Variants in SYNE3 observed in about 807,000 individuals in gnomAD.
SYNE3 encodes the protein spectrin repeat containing nuclear envelope family member 3.
In SYNE3, 100 loss-of-function variants were observed where a neutral mutation model predicts 111.2. The ratio of observed to expected loss-of-function variants is 0.90; its 90% CI spans 0.77 to 1.06. The LOEUF is 1.06. Ranked by LOEUF, SYNE3 falls within the 50% of genes least tolerant of loss-of-function variation. SYNE3 has a pLI of 0.00. For missense variants in SYNE3, 1,160 were observed against 1,240.3 expected (o/e 0.94, Z 0.97); for synonymous variants, 547 against 533.9 (o/e 1.02, Z -0.34).
At chr14:95,475,984 T>A in intron 1 of SYNE3, 149 bp from the exon 2 acceptor site, 3 of 729,432 alleles carry the variant, frequency 4.1e-6, no homozygotes, top group Non-Finnish European at 5.8e-6. Flanking sequence ...GGTGAGCACG[T>A]TTGTCAGGAA....
rs1469422107 is a variant in SYNE3, at chr14:95,409,898, G to A, written c.*7928C>T. On this transcript the variant is annotated 3_prime_UTR_variant, in exon 18 of 18. Coordinates refer to ENST00000682763, the MANE Select transcript of SYNE3 (RefSeq NM_152592.6). ...CCTCAATTGTCTGCTACAAAACAAA[G>A]AGCTGGCCTGGAAAGGCTCAGAGAT... The A allele has an allele frequency of 6.1e-6, 1 of 163,046 alleles. No individual in the cohort carries two copies. Among genetic ancestry groups the A allele is most frequent in the East Asian group, 1.8e-4 (1 of 5,684 alleles). 10.1% of individuals were successfully genotyped at this position (163,046 alleles called of 1,614,324 possible).
chr14:95,422,942 G>A (rs1885214088), intron 17 of SYNE3, among the ~76,000 whole-genome samples: 1 of 152,184 alleles, frequency 6.6e-6, no homozygotes, highest in South Asian at 2.1e-4. Context: ...TTCCCGGACT[G>A]GGCCCTGCCA....
intron 1 of SYNE3, among the ~76,000 whole-genome samples, chr14:95,489,220 C>A (rs372993375): frequency 1.2e-4 from 18 of 152,348 alleles, no homozygotes; most frequent in South Asian, 8.3e-4. Flanking sequence ...TGGAGTCACC[C>A]ACAGGTGCAT....
At chr14:95,444,991 T>C (rs1424826882) in intron 9 of SYNE3, among the ~76,000 whole-genome samples, 1 of 152,262 alleles carries the variant, frequency 6.6e-6, no homozygotes, top group Non-Finnish European at 1.5e-5. Context: ...CGACAGCGAC[T>C]GCCTGCCCTG....
chr14:95,434,120 A>G (rs1885952389), intron 15 of SYNE3, among the ~76,000 whole-genome samples: 1 of 152,052 alleles, frequency 6.6e-6, no homozygotes, highest in Non-Finnish European at 1.5e-5. Context: ...ATGAGACAGG[A>G]GAGGCAGGCA....
intron 1 of SYNE3, among the ~76,000 whole-genome samples, chr14:95,476,037 A>C (rs1230397722): frequency 6.6e-6 from 1 of 152,206 alleles, no homozygotes; most frequent in Non-Finnish European, 1.5e-5. Flanking sequence ...CCTCTGGGAA[A>C]ACTGGCCTAG....
At chr14:95,468,979 T>C (rs1166303662) in intron 2 of SYNE3, among the ~76,000 whole-genome samples, 3 of 152,184 alleles carry the variant, frequency 2.0e-5, no homozygotes, top group Admixed American at 6.5e-5. Flanking sequence ...AGGAGTTACA[T>C]TCTCTAGGCC....
chr14:95,461,276 C>T (rs1379565239), intron 4 of SYNE3, among the ~76,000 whole-genome samples: 3 of 152,180 alleles, frequency 2.0e-5, no homozygotes, highest in African/African-American at 4.8e-5. Context: ...CAGACAGACG[C>T]GCCTTCTGTG....
chr14:95,511,790 G>A (rs568992644), intron 1 of SYNE3, among the ~76,000 whole-genome samples: 22 of 152,070 alleles, frequency 1.4e-4, no homozygotes, highest in Admixed American at 3.3e-4. Context: ...TATACTTCCC[G>A]TCTCTCTCCC....
At chr14:95,422,476 G>A (rs556701651) in intron 17 of SYNE3, among the ~76,000 whole-genome samples, 4 of 152,254 alleles carry the variant, frequency 2.6e-5, no homozygotes, top group South Asian at 2.1e-4. Context: ...ACTATCCCAC[G>A]TGGCATTTCT....
intron 4 of SYNE3, among the ~76,000 whole-genome samples, chr14:95,462,416 C>T (rs560000902): frequency 6.6e-6 from 1 of 152,340 alleles, no homozygotes; most frequent in South Asian, 2.1e-4. Context: ...ATTCACTTCT[C>T]CATGCAGGGT....
rs557436953 is a variant in SYNE3, at chr14:95,424,872, G to C, written c.2728-6846C>G. ...GTGATCTTGGATTGGATCCTGGACT[G>C]AGAAAAAAAATCTACCAGTAAGACT... On this transcript the variant is annotated intron_variant, in intron 17 of 17. Coordinates refer to ENST00000682763, the MANE Select transcript of SYNE3 (RefSeq NM_152592.6). Among the ~76,000 whole-genome samples the C allele has an allele frequency of 2.6e-5, 4 of 152,248 alleles. No homozygotes were observed. In the South Asian group the frequency reaches 8.3e-4, roughly 32 times the overall value.
intron 1 of SYNE3, among the ~76,000 whole-genome samples, chr14:95,480,006 C>T (rs1889130288): frequency 6.6e-6 from 1 of 151,958 alleles, no homozygotes; most frequent in Non-Finnish European, 1.5e-5. Context: ...GCCTCTCTGG[C>T]ACGGGAGAAG....
chr14:95,442,120 G>A (rs961256147), intron 11 of SYNE3, among the ~76,000 whole-genome samples: 9 of 152,236 alleles, frequency 5.9e-5, no homozygotes, highest in African/African-American at 2.2e-4. Flanking sequence ...CTTTGTGTAA[G>A]TGGATGGAAG....
At chr14:95,466,468 G>A (rs771518815) in intron 3 of SYNE3, among the ~76,000 whole-genome samples, 28 of 152,174 alleles carry the variant, frequency 1.8e-4, no homozygotes, top group Admixed American at 4.6e-4. Context: ...AGCTCCCTGC[G>A]TGAGGGTAGG....
chr14:95,469,531 C>CAAAAAAA (rs71132350), intron 2 of SYNE3, among the ~76,000 whole-genome samples: 18 of 99,324 alleles, frequency 1.8e-4, no homozygotes, highest in Non-Finnish European at 2.4e-4. Context: ...CATGTCTCTA[C>CAAAAAAA]AAAAAAAAAA....
At chr14:95,478,794 C>T (rs1889046193) in intron 1 of SYNE3, among the ~76,000 whole-genome samples, 1 of 152,166 alleles carries the variant, frequency 6.6e-6, no homozygotes, top group Non-Finnish European at 1.5e-5. Flanking sequence ...AGCTCACTGG[C>T]TAGACAAAAA....
intron 1 of SYNE3, among the ~76,000 whole-genome samples, chr14:95,515,486 C>G (rs61156270): frequency 6.6e-6 from 1 of 152,172 alleles, no homozygotes; most frequent in African/African-American, 2.4e-5. Flanking sequence ...ATCACTCCCC[C>G]TCTCTGGGCC....
intron 14 of SYNE3, 193 bp downstream of exon 14, chr14:95,438,840 G>A: frequency 4.3e-6 from 3 of 703,624 alleles, no homozygotes; most frequent in Non-Finnish European, 6.9e-6. Flanking sequence ...TGGGATCTCT[G>A]AGGTCCTCTG....
Sources: gnomAD v4.1 joint callset for allele counts (sites outside exome capture counted in the v4.1 genomes callset) on GRCh38, gnomAD v4.1.1 for gene constraint, MANE v1.5 for transcripts, NCBI Gene and HGNC (gene_info 2026-07-23, HGNC 2026-07-21) for gene names.